Variants in CYFIP2 observed in about 807,000 individuals in gnomAD.
CYFIP2 encodes cytoplasmic FMR1-interacting protein 2.
CYFIP2 carries 29 observed loss-of-function variants against 158.7 expected under a neutral mutation model. The observed-to-expected ratio is 0.18, with a 90% CI of 0.14 to 0.25. The LOEUF is 0.25. CYFIP2 is among the 10% of genes least tolerant of loss of function. CYFIP2 has a pLI of 1.00. For missense variants in CYFIP2, 852 were observed against 1,639.5 expected (o/e 0.52, Z 8.29); for synonymous variants, 585 against 617.6 (o/e 0.95, Z 0.78).
rs775917209 is a variant in CYFIP2 at position 157,343,134 on chromosome 5, AC to A, written c.2673+1978del. The A allele has an allele frequency of 2.5e-6, 4 of 1,614,066 alleles. No individual in the cohort carries two copies. In the South Asian group the frequency reaches 4.4e-5, roughly 18 times the overall value. ...GGCTCATGGCAACGGACACACCAGA[AC>A]TGGAGGCAGATGAAGGCCAAGACGG... On this transcript the variant is annotated intron_variant, in intron 23 of 30. Coordinates refer to ENST00000620254, the MANE Select transcript of CYFIP2 (RefSeq NM_001037333.3).
In CYFIP2 at chr5:157,314,349, G is replaced by C. The variant is rs759972935; in HGVS notation, c.1116G>C (p.Val372=). The part of the protein sequence containing the change: ...ELARYSNSEV[V]TGSGLDSQKS... Reference sequence around the variant, plus strand: ...TGACACCTGATGCTCCCCAGGTGGTGACGGGCTCAGGGCTGGACAGCCAGA... The same window carrying C: ...TGACACCTGATGCTCCCCAGGTGGTCACGGGCTCAGGGCTGGACAGCCAGA... The change falls in exon 12 of 31, where the codon GTG becomes GTC. Residue 372 remains valine (V), a synonymous_variant. Coordinates refer to ENST00000620254, the MANE Select transcript of CYFIP2 (RefSeq NM_001037333.3). 2.5e-6 allele frequency: 4 copies of C among 1,613,708 alleles called. No individual in the cohort carries two copies. The highest frequency in any genetic ancestry group is 3.4e-6 in the Non-Finnish European group (4 of 1,179,784).
At chr5:157,388,150 C>T (rs566992026) in intron 28 of CYFIP2, among the ~76,000 whole-genome samples, 1 of 152,226 alleles carries the variant, frequency 6.6e-6, no homozygotes, top group African/African-American at 2.4e-5. Context: ...GCTTTGTTCA[C>T]AGATTTGGAG....
At chr5:157,272,592 C>T (rs1340355303) in intron 1 of CYFIP2, among the ~76,000 whole-genome samples, 2 of 152,168 alleles carry the variant, frequency 1.3e-5, no homozygotes, top group Admixed American at 1.3e-4. Context: ...ACTGCTGTTT[C>T]TCGATTTATC....
intron 1 of CYFIP2, among the ~76,000 whole-genome samples, chr5:157,281,824 C>T (rs1366442778): frequency 1.3e-5 from 2 of 152,174 alleles, no homozygotes; most frequent in Non-Finnish European, 2.9e-5. Context: ...CCCTTCTTTT[C>T]CTGTTTTCCA....
chr5:157,323,095 G>A (rs1736004199), intron 15 of CYFIP2: 4 of 1,318,520 alleles, frequency 3.0e-6, no homozygotes, highest in South Asian at 2.5e-5. Context: ...GGCTCCTCAA[G>A]GCCCCTTCCA....
chr5:157,369,923 C>T (rs1006940906), intron 26 of CYFIP2, among the ~76,000 whole-genome samples: 1 of 140,328 alleles, frequency 7.1e-6, no homozygotes, highest in Admixed American at 7.4e-5. Context: ...GCTCTGTAAC[C>T]CAGGCTGGAG....
At position 157,288,828 on chromosome 5, in the gene CYFIP2, C is replaced by T. The variant is rs557942224; in HGVS notation, c.207+1720C>T. On this transcript the variant is annotated intron_variant, in intron 3 of 30. Transcript: ENST00000620254. ...TGCCTTGCAGACAAACAAAAATACA[C>T]GAAGTTAAGGGTAAATGTCATGGTA... Among the ~76,000 whole-genome samples, 5 of 152,098 alleles carry T rather than the reference C, an allele frequency of 3.3e-5. 1 individual carries two copies. The highest frequency in any genetic ancestry group is 7.2e-5 in the African/African-American group (3 of 41,492).
chr5:157,309,738 T>C lies in CYFIP2; in HGVS notation c.901-5T>C. ...TCTCACGAGCTGTGTTTGCTTCCTT[T>C]GCAGCAGCTGCAGGTGGTGCCCCTT... On this transcript the variant is annotated splice_region_variant and splice_polypyrimidine_tract_variant and intron_variant, in intron 9 of 30. Coordinates refer to ENST00000620254, the MANE Select transcript of CYFIP2 (RefSeq NM_001037333.3). 1.3e-6 allele frequency: 2 copies of C among 1,598,358 alleles called. No homozygotes were observed. Among genetic ancestry groups the C allele is most frequent in the South Asian group, 1.1e-5 (1 of 87,968 alleles).
chr5:157,294,909 T>C, intron 4 of CYFIP2, 49 bp downstream of exon 4: 1 of 1,480,340 alleles, frequency 6.8e-7, no homozygotes, highest in Non-Finnish European at 9.4e-7. Context: ...AGGGCATTAC[T>C]AACCCCTACT....
chr5:157,291,213 C>G (rs1470879751), intron 3 of CYFIP2, among the ~76,000 whole-genome samples: 1 of 152,128 alleles, frequency 6.6e-6, no homozygotes, highest in East Asian at 1.9e-4. Flanking sequence ...CCAGGTGACT[C>G]TAATATACAA....
chr5:157,330,273 TG>T (rs1761348761), intron 19 of CYFIP2, among the ~76,000 whole-genome samples: 1 of 151,656 alleles, frequency 6.6e-6, no homozygotes, highest in Non-Finnish European at 1.5e-5. Flanking sequence ...TGTGTGTGTG[TG>T]TGTGTGTGTG....
intron 23 of CYFIP2, among the ~76,000 whole-genome samples, chr5:157,345,908 T>C (rs1339777334): frequency 1.3e-5 from 2 of 152,232 alleles, no homozygotes; most frequent in African/African-American, 4.8e-5. Flanking sequence ...GTTGGCTGAT[T>C]ATTATTTTCT....
chr5:157,355,245 A>T (rs1763336811), intron 23 of CYFIP2, among the ~76,000 whole-genome samples: 1 of 151,886 alleles, frequency 6.6e-6, no homozygotes. Flanking sequence ...GCATAAAATT[A>T]CCCCCCACAT....
At chr5:157,295,572 A>C (rs1758186755) in intron 4 of CYFIP2, among the ~76,000 whole-genome samples, 1 of 152,226 alleles carries the variant, frequency 6.6e-6, no homozygotes, top group South Asian at 2.1e-4. Flanking sequence ...ATATGAGCAC[A>C]CATGCTGTTT....
chr5:157,384,087 AAAG>A lies in CYFIP2; in HGVS notation c.3207+733_3207+735del, dbSNP rs1478531268. ...GATGAGATAGAATAGAGTGGGAGAGAAAGAAGACTTCAGCCTTTTCTGTAGTGT... is the reference window on the plus strand; with the variant it reads ...GATGAGATAGAATAGAGTGGGAGAGAAAGACTTCAGCCTTTTCTGTAGTGT... On this transcript the variant is annotated intron_variant, in intron 28 of 30. Coordinates refer to ENST00000620254, the MANE Select transcript of CYFIP2 (RefSeq NM_001037333.3). The A allele has an allele frequency of 6.0e-5, 21 of 347,320 alleles. No individual in the cohort carries two copies. The Admixed American group carries it at 8.0e-4, about 13-fold the overall frequency. The allele number at this position is 347,320 out of a possible 1,614,324, so 21.5% of individuals were successfully genotyped here. A position where few individuals can be genotyped will look rare whatever the true frequency, so the allele number is the denominator to read the frequency against.
chr5:157,347,327 G>A (rs550605561), intron 23 of CYFIP2, among the ~76,000 whole-genome samples: 12 of 147,156 alleles, frequency 8.2e-5, no homozygotes, highest in Admixed American at 2.7e-4. Flanking sequence ...AAAAAGAGCC[G>A]CCTTGGTGAG....
Position 157,343,705 on chromosome 5 carries a change from C to T in CYFIP2, c.2673+2548C>T, listed in dbSNP as rs368315493. ...GAGAGGTTCTGTTATTTAGGCATAG[C>T]GAAAAAGTGGCAGGACAAAAGTTAA... On this transcript the variant is annotated intron_variant, in intron 23 of 30. Coordinates refer to ENST00000620254, the MANE Select transcript of CYFIP2 (RefSeq NM_001037333.3). 1.5e-3 allele frequency among the ~76,000 whole-genome samples: 229 copies of T among 152,170 alleles called. 3 individuals are homozygous for T. The South Asian group carries it at 0.033, about 22-fold the overall frequency.
chr5:157,343,246 C>T, intron 23 of CYFIP2: 1 of 1,614,206 alleles, frequency 6.2e-7, no homozygotes, highest in Non-Finnish European at 8.5e-7. Flanking sequence ...CCAGCGGACT[C>T]TTATCCAGGG....
chr5:157,391,562 AT>A (rs1160643957), intron 30 of CYFIP2, among the ~76,000 whole-genome samples: 1 of 152,158 alleles, frequency 6.6e-6, no homozygotes, highest in African/African-American at 2.4e-5. Flanking sequence ...TGACTGGCTT[AT>A]TTTAGTTAGG....
Sources: allele counts gnomAD v4.1 joint callset (sites outside exome capture counted in the v4.1 genomes callset), GRCh38; gene constraint gnomAD v4.1.1; transcripts MANE v1.5; gene names NCBI Gene and HGNC (gene_info 2026-07-23, HGNC 2026-07-21).